DBT: variants seen among roughly 807,000 people sequenced by gnomAD.
The protein encoded by DBT is lipoamide acyltransferase component of branched-chain alpha-keto acid dehydrogenase complex, mitochondrial.
In DBT, 40 loss-of-function variants were observed where a neutral mutation model predicts 51.3. The ratio of observed to expected loss-of-function variants is 0.78; its 90% CI spans 0.61 to 1.02. DBT has a LOEUF of 1.02. Ranked by LOEUF, DBT falls within the 50% of genes least tolerant of loss-of-function variation. DBT has a pLI of 0.00. For missense variants in DBT, 510 were observed against 580.2 expected (o/e 0.88, Z 1.24); for synonymous variants, 181 against 190.4 (o/e 0.95, Z 0.41).
intron 4 of DBT, 51 bp downstream of exon 4, chr1:100,230,682 A>G (rs2100827018): frequency 7.8e-7 from 1 of 1,287,218 alleles, no homozygotes. Context: ...CCCAATGACA[A>G]AAAGAGACCA....
At chr1:100,244,100 G>C (rs1372551476) in intron 1 of DBT, among the ~76,000 whole-genome samples, 2 of 66,480 alleles carry the variant, frequency 3.0e-5, no homozygotes, top group African/African-American at 6.6e-5. Context: ...TTAAGTAGAG[G>C]GGTCTGGTGG....
At chr1:100,241,340 A>G (rs1373533077) in intron 1 of DBT, among the ~76,000 whole-genome samples, 1 of 151,004 alleles carries the variant, frequency 6.6e-6, no homozygotes, top group African/African-American at 2.4e-5. Context: ...AACTCTATAT[A>G]TCAAAACCTA....
At chr1:100,212,052 G>A (rs969069917) in intron 7 of DBT, among the ~76,000 whole-genome samples, 5 of 152,148 alleles carry the variant, frequency 3.3e-5, no homozygotes, top group African/African-American at 9.7e-5. Flanking sequence ...GATTACAGTC[G>A]TGAGACACTG....
chr1:100,220,595 A>G (rs1570822944), intron 4 of DBT, among the ~76,000 whole-genome samples: 1 of 152,254 alleles, frequency 6.6e-6, no homozygotes, highest in Non-Finnish European at 1.5e-5. Context: ...TTGAGCATCT[A>G]TTATGTGTCA....
At chr1:100,223,808 T>C (rs1364695866) in intron 4 of DBT, among the ~76,000 whole-genome samples, 1 of 152,062 alleles carries the variant, frequency 6.6e-6, no homozygotes, top group Non-Finnish European at 1.5e-5. Context: ...AAACATGGAA[T>C]AGCTTTGATA....
chr1:100,245,793 A>G (rs1445187471), intron 1 of DBT, among the ~76,000 whole-genome samples: 1 of 151,930 alleles, frequency 6.6e-6, no homozygotes, highest in Non-Finnish European at 1.5e-5. Flanking sequence ...TCTACTAAAA[A>G]TCAAAATAAT....
At chr1:100,205,911 C>A (rs1198926613) in intron 10 of DBT, among the ~76,000 whole-genome samples, 2 of 152,010 alleles carry the variant, frequency 1.3e-5, no homozygotes, top group Non-Finnish European at 2.9e-5. Flanking sequence ...GAACACCATA[C>A]ACTGGGGACC....
At chr1:100,242,033 T>A (rs1242005984) in intron 1 of DBT, among the ~76,000 whole-genome samples, 2 of 151,668 alleles carry the variant, frequency 1.3e-5, no homozygotes, top group African/African-American at 2.4e-5. Flanking sequence ...AAAAAAAAAA[T>A]TTCAATGCTA....
At chr1:100,208,300 T>A (rs140878105) in intron 8 of DBT, among the ~76,000 whole-genome samples, 1 of 152,238 alleles carries the variant, frequency 6.6e-6, no homozygotes, top group Non-Finnish European at 1.5e-5. Context: ...CCTTTGTATA[T>A]GCAAATATTC....
In DBT at chr1:100,193,803, A is replaced by G. The variant is rs1057030127; in HGVS notation, c.*2452T>C. On this transcript the variant is annotated 3_prime_UTR_variant, in exon 11 of 11. Transcript: ENST00000370132. ...TTTTCAATAGAGATGAGGTTTCACCATATTGGCCAGGCTGGTCTCGAACTC... is the reference window on the plus strand; with the variant it reads ...TTTTCAATAGAGATGAGGTTTCACCGTATTGGCCAGGCTGGTCTCGAACTC... 1 of 152,142 alleles carries G rather than the reference A, an allele frequency of 6.6e-6. No homozygotes were observed. Among genetic ancestry groups the G allele is most frequent in the African/African-American group, 2.4e-5 (1 of 41,416 alleles). The allele number at this position is 152,142 out of a possible 1,614,324, so 9.4% of individuals were successfully genotyped here. A position where few individuals can be genotyped will look rare whatever the true frequency, so the allele number is the denominator to read the frequency against.
chr1:100,195,138 TC>T lies in DBT; in HGVS notation c.*1116del, dbSNP rs1462496149. The T allele has an allele frequency of 6.6e-6, 1 of 152,620 alleles. No individual in the cohort carries two copies. Among genetic ancestry groups the T allele is most frequent in the Non-Finnish European group, 1.5e-5 (1 of 68,034 alleles). The allele number at this position is 152,620 out of a possible 1,614,324, so 9.5% of individuals were successfully genotyped here. On this transcript the variant is annotated 3_prime_UTR_variant, in exon 11 of 11. Transcript: ENST00000370132. ...GAATGGAATAGACCTTAATTTCTTA[TC>T]CTATTTTTTAGCTGAAGACCAAAAA...
chr1:100,240,795 A>G lies in DBT; in HGVS notation c.141T>C (p.Tyr47=), dbSNP rs771386412. The change falls in exon 2 of 11, where the codon TAT becomes TAC. Residue 47 remains tyrosine (Y), a synonymous_variant. Coordinates refer to ENST00000370132, the MANE Select transcript of DBT (RefSeq NM_001918.5). The stretch of plus-strand genomic sequence containing the variant: ...TTTTCAGGAAGTGATGTGGATGACT[A>G]TACTTGAATGAAGGATAACCAAAGA... ...VCFFGYPSFK[Y]SHPHHFLKTT... 1.2e-6 allele frequency: 2 copies of G among 1,606,248 alleles called. No homozygotes were observed. The highest frequency in any genetic ancestry group is 2.2e-5 in the East Asian group (1 of 44,766).
chr1:100,215,642 G>A (rs1349842641), intron 6 of DBT, among the ~76,000 whole-genome samples: 1 of 152,068 alleles, frequency 6.6e-6, no homozygotes, highest in Non-Finnish European at 1.5e-5. Flanking sequence ...CCAACATGAT[G>A]AAACCCTGTC....
Position 100,206,444 on chromosome 1 carries a change from C to T in DBT, c.1209+1G>A, listed in dbSNP as rs1661795778. The T allele has an allele frequency of 6.2e-7, 1 of 1,609,040 alleles. No homozygotes were observed. Among genetic ancestry groups the T allele is most frequent in the Non-Finnish European group, 8.5e-7 (1 of 1,175,500 alleles). ...TTATGTATTTCAACATTATTACTCACTGATCCAATGTTGGAAAGAGTAAAT... is the reference window on the plus strand; with the variant it reads ...TTATGTATTTCAACATTATTACTCATTGATCCAATGTTGGAAAGAGTAAAT... On this transcript the variant is annotated splice_donor_variant, in intron 9 of 10. Transcript: ENST00000370132. LOFTEE classifies it high-confidence loss of function.
At position 100,196,136 on chromosome 1, in the gene DBT, C is replaced by T. The variant is rs1661072870; in HGVS notation, c.*119G>A. ...AGTGACAAATATTGTGCCTTAGATC[C>T]TTAATCATACGATACAAATCATTTA... is the stretch of plus-strand genomic sequence containing the variant. On this transcript the variant is annotated 3_prime_UTR_variant, in exon 11 of 11. Transcript: ENST00000370132. 1 of 925,338 alleles carries T rather than the reference C, an allele frequency of 1.1e-6. No individual in the cohort carries two copies. Among genetic ancestry groups the T allele is most frequent in the African/African-American group, 1.7e-5 (1 of 60,404 alleles). 57.3% of individuals were successfully genotyped at this position (925,338 alleles called of 1,614,324 possible). A position where few individuals can be genotyped will look rare whatever the true frequency, so the allele number is the denominator to read the frequency against.
chr1:100,237,170 C>T (rs915100664), intron 2 of DBT, among the ~76,000 whole-genome samples: 17 of 152,154 alleles, frequency 1.1e-4, no homozygotes, highest in African/African-American at 4.1e-4. Flanking sequence ...TGGAATGCTG[C>T]CCTAAAATCC....
At position 100,218,887 on chromosome 1, in the gene DBT, A is replaced by G. The variant is rs566611333; in HGVS notation, c.434-140T>C. ...AGTCTAAATGTATAAAAGTTGAACT[A>G]CTTCAGAATAGGAAAACACAACTAT... On this transcript the variant is annotated intron_variant, in intron 4 of 10. Transcript: ENST00000370132. 8.8e-5 allele frequency: 53 copies of G among 602,436 alleles called. No individual in the cohort carries two copies. In the African/African-American group the frequency reaches 1.1e-3, roughly 12 times the overall value. 37.3% of individuals were successfully genotyped at this position (602,436 alleles called of 1,614,324 possible).
At chr1:100,213,031 C>A (rs998379506) in intron 7 of DBT, among the ~76,000 whole-genome samples, 4 of 152,232 alleles carry the variant, frequency 2.6e-5, no homozygotes, top group African/African-American at 9.6e-5. Context: ...TTACAGACAT[C>A]AGTATGTCCT....
chr1:100,208,450 A>G (rs574429016), intron 8 of DBT, among the ~76,000 whole-genome samples: 2 of 152,340 alleles, frequency 1.3e-5, no homozygotes, highest in African/African-American at 4.8e-5. Flanking sequence ...TTAAGGAACT[A>G]AGTGCAGAAG....
Sources: gnomAD v4.1 joint callset for allele counts (sites outside exome capture counted in the v4.1 genomes callset) on GRCh38, gnomAD v4.1.1 for gene constraint, MANE v1.5 for transcripts, NCBI Gene and HGNC (gene_info 2026-07-23, HGNC 2026-07-21) for gene names.